Variants in SLC39A11 observed in about 807,000 individuals in gnomAD.
The protein encoded by SLC39A11 is zinc transporter ZIP11.
A neutral mutation model predicts 36.1 loss-of-function variants in SLC39A11; 33 were observed. That is an observed-to-expected ratio of 0.91 (90% CI 0.69 to 1.22). The LOEUF (loss-of-function observed/expected upper bound fraction) is 1.22, where lower values mean the gene tolerates loss of function less well. SLC39A11 is among the 50% of genes most tolerant of loss of function. The probability of loss-of-function intolerance (pLI) is 0.00; values close to 1 mark genes in which losing one functional copy is unlikely to be tolerated. For synonymous variants in SLC39A11, 166 were observed against 170.3 expected (o/e 0.97, Z 0.20); for missense variants, 432 against 430.3 (o/e 1.00, Z -0.03).
intron 6 of SLC39A11, among the ~76,000 whole-genome samples, chr17:72,811,782 C>G (rs979270470): frequency 6.6e-6 from 1 of 152,172 alleles, no homozygotes; most frequent in Non-Finnish European, 1.5e-5. Flanking sequence ...CCCTTTCAAC[C>G]AGACACATGA....
At chr17:72,731,023 T>C (rs1436270435) in intron 7 of SLC39A11, among the ~76,000 whole-genome samples, 1 of 152,202 alleles carries the variant, frequency 6.6e-6, no homozygotes, top group Non-Finnish European at 1.5e-5. Flanking sequence ...GTGCTGGAAT[T>C]GCAGGTGTGA....
chr17:72,870,055 CT>C lies in SLC39A11; in HGVS notation c.431-20252del, dbSNP rs1226068383. Among the ~76,000 whole-genome samples, 4 of 151,754 alleles carry C rather than the reference CT, an allele frequency of 2.6e-5. No individual in the cohort carries two copies. In the South Asian group the frequency reaches 8.3e-4, roughly 32 times the overall value. On this transcript the variant is annotated intron_variant, in intron 5 of 9. Transcript: ENST00000255559. ...TTCTTTTTTTTTTGTTTAGCATAAC[CT>C]GTAGATTTTTCTACATCTGCATTTT... is the stretch of plus-strand genomic sequence containing the variant.
chr17:72,647,563 G>T lies in SLC39A11; in HGVS notation c.*21C>A. 6.2e-7 allele frequency: 1 copy of T among 1,608,620 alleles called. No individual in the cohort carries two copies. Among genetic ancestry groups the T allele is most frequent in the Non-Finnish European group, 8.5e-7 (1 of 1,176,720 alleles). ...GCTGTTTCTTCGTATGGCCTTTCCC[G>T]GGGTCCGAAGCGTCTCAGCCCTAGC... is the stretch of plus-strand genomic sequence containing the variant. On this transcript the variant is annotated 3_prime_UTR_variant, in exon 10 of 10. Transcript: ENST00000255559.
chr17:73,036,732 C>A (rs1480534343), intron 3 of SLC39A11, among the ~76,000 whole-genome samples: 1 of 152,216 alleles, frequency 6.6e-6, no homozygotes, highest in Non-Finnish European at 1.5e-5. Flanking sequence ...CAGGCATGAG[C>A]CACCACGACC....
At chr17:72,691,889 T>C (rs1490486277) in intron 7 of SLC39A11, among the ~76,000 whole-genome samples, 1 of 152,134 alleles carries the variant, frequency 6.6e-6, no homozygotes, top group Non-Finnish European at 1.5e-5. Context: ...TAGCACTATA[T>C]AGGATATGTG....
chr17:72,660,588 G>A (rs189111286), intron 7 of SLC39A11, among the ~76,000 whole-genome samples: 9 of 152,258 alleles, frequency 5.9e-5, no homozygotes, highest in African/African-American at 1.4e-4. Flanking sequence ...AGATAGGGGC[G>A]GACGCTGCCC....
chr17:73,039,069 C>T (rs748144137), intron 3 of SLC39A11, among the ~76,000 whole-genome samples: 1 of 152,198 alleles, frequency 6.6e-6, no homozygotes, highest in Non-Finnish European at 1.5e-5. Flanking sequence ...CAGCTACTTA[C>T]TGGTTAGGTA....
At chr17:72,977,156 T>C (rs2087913911) in intron 4 of SLC39A11, among the ~76,000 whole-genome samples, 1 of 151,880 alleles carries the variant, frequency 6.6e-6, no homozygotes, top group South Asian at 2.1e-4. Context: ...GATTCGAAAG[T>C]GAGAAAGTGC....
chr17:72,665,230 G>T (rs1003125438), intron 7 of SLC39A11, among the ~76,000 whole-genome samples: 1 of 152,066 alleles, frequency 6.6e-6, no homozygotes, highest in Non-Finnish European at 1.5e-5. Context: ...TTCAGCCCCA[G>T]TCAAGACTTC....
chr17:73,047,047 C>T (rs1456511950), intron 3 of SLC39A11, among the ~76,000 whole-genome samples: 9 of 137,104 alleles, frequency 6.6e-5, no homozygotes, highest in African/African-American at 1.7e-4. Context: ...TTTTTTGAGA[C>T]GGAGTCTCGC....
rs561559991 is a variant in SLC39A11, at chr17:73,083,588, C to A, written c.147+1220G>T. 1.4e-4 allele frequency among the ~76,000 whole-genome samples: 22 copies of A among 152,172 alleles called. No homozygotes were observed. The East Asian group carries it at 3.9e-3, about 27-fold the overall frequency. ...AATGGAATCTGAACTAATCAAGACT[C>A]CAGGTCTAACTCTCAGCTTACAGGA... On this transcript the variant is annotated intron_variant, in intron 3 of 9. Coordinates refer to ENST00000255559, the MANE Select transcript of SLC39A11 (RefSeq NM_139177.4).
chr17:72,750,084 A>G (rs1019877), intron 6 of SLC39A11, among the ~76,000 whole-genome samples: 32,020 of 152,086 alleles, frequency 0.21, 4,316 homozygotes, highest in African/African-American at 0.38. Context: ...AGATGGGTCG[A>G]GGAATCAGGT....
At chr17:72,833,871 A>C (rs1223389349) in intron 6 of SLC39A11, among the ~76,000 whole-genome samples, 1 of 152,182 alleles carries the variant, frequency 6.6e-6, no homozygotes, top group Non-Finnish European at 1.5e-5. Flanking sequence ...TAAGAAAAAA[A>C]CTCAGAACCA....
intron 3 of SLC39A11, among the ~76,000 whole-genome samples, chr17:73,077,736 A>AAG (rs1394567089): frequency 6.6e-6 from 1 of 152,210 alleles, no homozygotes; most frequent in Non-Finnish European, 1.5e-5. Flanking sequence ...AAGTACAACT[A>AAG]TCTGAGCTCC....
chr17:72,914,603 G>A (rs538671726), intron 5 of SLC39A11, among the ~76,000 whole-genome samples: 8 of 152,042 alleles, frequency 5.3e-5, no homozygotes, highest in Middle Eastern at 3.4e-3. Flanking sequence ...TGAATAGGCC[G>A]GGTGCAGTGG....
chr17:72,972,446 A>T (rs986992798), intron 4 of SLC39A11, among the ~76,000 whole-genome samples: 11 of 152,204 alleles, frequency 7.2e-5, no homozygotes, highest in African/African-American at 2.7e-4. Context: ...GTTGCCATCT[A>T]AAATCCAATA....
chr17:72,712,510 T>G (rs1447771206), intron 7 of SLC39A11, among the ~76,000 whole-genome samples: 1 of 152,218 alleles, frequency 6.6e-6, no homozygotes, highest in Non-Finnish European at 1.5e-5. Flanking sequence ...AAAGGCAATA[T>G]GGAGAGAACA....
chr17:73,013,323 G>A (rs201296649), intron 4 of SLC39A11, among the ~76,000 whole-genome samples: 3 of 118,918 alleles, frequency 2.5e-5, no homozygotes, highest in Non-Finnish European at 3.8e-5. Flanking sequence ...CCTGACCTCC[G>A]GCGATCCACC....
chr17:72,986,677 C>T (rs918630725), intron 4 of SLC39A11, among the ~76,000 whole-genome samples: 4 of 152,158 alleles, frequency 2.6e-5, no homozygotes, highest in African/African-American at 9.7e-5. Context: ...AACAGGCTCC[C>T]GGGGTGAACC....
Sources: allele counts gnomAD v4.1 joint callset (sites outside exome capture counted in the v4.1 genomes callset), GRCh38; gene constraint gnomAD v4.1.1; transcripts MANE v1.5; gene names NCBI Gene and HGNC (gene_info 2026-07-23, HGNC 2026-07-21).